The following DAB2IP variants were observed in gnomAD, a reference collection of about 807,000 sequenced individuals.
DAB2IP encodes DAB2 interacting protein, also known as disabled homolog 2-interacting protein.
DAB2IP carries 28 observed loss-of-function variants against 107.2 expected under a neutral mutation model. The observed-to-expected ratio is 0.26, with a 90% confidence interval of 0.19 to 0.36. The LOEUF (loss-of-function observed/expected upper bound fraction) is 0.36. Among genes scored for constraint, DAB2IP ranks in the 10% least tolerant of loss-of-function variants. The probability of loss-of-function intolerance (pLI) is 1.00; values close to 1 mark genes in which losing one functional copy is unlikely to be tolerated. For synonymous variants in DAB2IP, 755 were observed against 706.4 expected (o/e 1.07, Z -1.09); for missense variants, 1,400 against 1,644.7 (o/e 0.85, Z 2.57).
At chr9:121,609,774 T>G (rs1831024946) in intron 1 of DAB2IP, among the ~76,000 whole-genome samples, 1 of 152,202 alleles carries the variant, frequency 6.6e-6, no homozygotes, top group Non-Finnish European at 1.5e-5. Flanking sequence ...AACCTGGATC[T>G]CCAGGGCTAT....
intron 1 of DAB2IP, among the ~76,000 whole-genome samples, chr9:121,577,784 C>A (rs1414559301): frequency 6.6e-6 from 1 of 152,120 alleles, no homozygotes; most frequent in Non-Finnish European, 1.5e-5. Context: ...CGGTGGAGGG[C>A]GGGGACCTCA....
chr9:121,677,276 T>C (rs1287057048), intron 1 of DAB2IP, among the ~76,000 whole-genome samples: 2 of 152,186 alleles, frequency 1.3e-5, no homozygotes, highest in East Asian at 1.9e-4. Flanking sequence ...CCCAGCACTT[T>C]GGGAGGCCAA....
chr9:121,772,489 T>C lies in DAB2IP; in HGVS notation c.2079-118T>C. 8.8e-7 allele frequency: 1 copy of C among 1,141,248 alleles called. No homozygotes were observed. 70.7% of individuals were successfully genotyped at this position (1,141,248 alleles called of 1,614,324 possible). A position where few individuals can be genotyped will look rare whatever the true frequency, so the allele number is the denominator to read the frequency against. On this transcript the variant is annotated intron_variant, in intron 11 of 15. Transcript: ENST00000408936. The surrounding 1 kb of genome is among the most constrained non-coding windows in gnomAD (Gnocchi z 4.7). ...CCCAGCGCATCCATCTCCCCAGCGC[T>C]GGCTCAGGCTGCCAGGCCCCGGCAG... is the stretch of plus-strand genomic sequence containing the variant.
exon 16 of DAB2IP, chr9:121,783,931 G>A (rs2119052170): frequency 3.7e-6 from 1 of 271,948 alleles, no homozygotes; most frequent in Middle Eastern, 1.2e-3. Flanking sequence ...GTGGGAGTGG[G>A]GCCTTTGCCA....
At chr9:121,577,372 G>A (rs1451619679) in intron 1 of DAB2IP, among the ~76,000 whole-genome samples, 5 of 152,226 alleles carry the variant, frequency 3.3e-5, no homozygotes, top group African/African-American at 4.8e-5. Flanking sequence ...GGCTCGAAGC[G>A]TTCCAGCCGG....
chr9:121,742,061 A>C (rs1832388805), intron 3 of DAB2IP, among the ~76,000 whole-genome samples: 1 of 152,062 alleles, frequency 6.6e-6, no homozygotes. Flanking sequence ...GAGGGTGCTA[A>C]ATCCTTGAAT....
chr9:121,781,678 G>A, intron 15 of DAB2IP, 127 bp downstream of exon 15: 1 of 932,510 alleles, frequency 1.1e-6, no homozygotes, highest in East Asian at 2.6e-5. Flanking sequence ...ACCAGAATCT[G>A]CCCTGAGAAG....
At chr9:121,625,241 CT>C (rs55645811) in intron 1 of DAB2IP, among the ~76,000 whole-genome samples, 109 of 127,804 alleles carry the variant, frequency 8.5e-4, no homozygotes, top group African/African-American at 1.8e-3. Flanking sequence ...AGTGGCTGGG[CT>C]TTTTTTTTTT....
intron 3 of DAB2IP, among the ~76,000 whole-genome samples, chr9:121,746,356 A>G (rs1161732132): frequency 2.6e-5 from 4 of 152,184 alleles, no homozygotes; most frequent in African/African-American, 9.6e-5. Context: ...AGATGAGAAA[A>G]CTGAGGCACA....
intron 3 of DAB2IP, chr9:121,737,561 C>G (rs975666298): frequency 5.1e-6 from 5 of 985,296 alleles, no homozygotes; most frequent in Non-Finnish European, 6.0e-6. Context: ...CCTTGGACTT[C>G]TTAGTGACAA....
intron 1 of DAB2IP, among the ~76,000 whole-genome samples, chr9:121,579,331 C>A (rs7032859): frequency 1.5e-4 from 23 of 152,036 alleles, no homozygotes; most frequent in Admixed American, 5.2e-4. Flanking sequence ...CCTACCCCCC[C>A]ACCCTGAGGA....
chr9:121,732,689 G>A (rs182283789), intron 3 of DAB2IP, among the ~76,000 whole-genome samples: 1 of 152,336 alleles, frequency 6.6e-6, no homozygotes, highest in African/African-American at 2.4e-5. Flanking sequence ...TGGCAGCTCA[G>A]ACCCGAGGGA....
At chr9:121,653,636 A>G (rs1589457236) in intron 1 of DAB2IP, among the ~76,000 whole-genome samples, 1 of 150,588 alleles carries the variant, frequency 6.6e-6, no homozygotes, top group Non-Finnish European at 1.5e-5. Flanking sequence ...CACCTCACCC[A>G]CCCGCCCCTC....
At chr9:121,577,422 G>A (rs117617295) in intron 1 of DAB2IP, among the ~76,000 whole-genome samples, 4 of 152,356 alleles carry the variant, frequency 2.6e-5, no homozygotes, top group South Asian at 4.1e-4. Flanking sequence ...GTGCGCACAC[G>A]GGCAGGCGTG....
chr9:121,568,457 T>C (rs1407902572), intron 1 of DAB2IP, among the ~76,000 whole-genome samples: 1 of 151,948 alleles, frequency 6.6e-6, no homozygotes, highest in Non-Finnish European at 1.5e-5. Context: ...TCCTAACAAA[T>C]AGTTGGTGCT....
rs1564128545 is a variant in DAB2IP, at chr9:121,641,990, TTCCTTTCTCTCTCTCTCTCTCTC to T, written c.41-36685_41-36663del. On this transcript the variant is annotated intron_variant, in intron 1 of 16. Coordinates refer to the DAB2IP transcript ENST00000259371. Reference sequence around the variant, plus strand: ...TCTCTCTCTTTCTTTCTTTCTTTCTTTCCTTTCTCTCTCTCTCTCTCTCTCTCTCTCTCTCTCTCTCTTTCTTT... The same window carrying T: ...TCTCTCTCTTTCTTTCTTTCTTTCTTTCTCTCTCTCTCTCTCTCTTTCTTT... Among the ~76,000 whole-genome samples the T allele has an allele frequency of 8.6e-3, 977 of 114,266 alleles. 36 individuals carry two copies. Among genetic ancestry groups the T allele is most frequent in the African/African-American group, 0.035 (913 of 26,284 alleles). The allele number at this position is 114,266 out of a possible 152,430, so 75.0% of individuals were successfully genotyped here.
At chr9:121,737,864 G>C (rs1832040810) in intron 3 of DAB2IP, 1 of 882,286 alleles carries the variant, frequency 1.1e-6, no homozygotes. Flanking sequence ...CTGGTCCCAG[G>C]ACTGAGTCCT....
chr9:121,640,359 CA>C (rs1564127273), intron 1 of DAB2IP, among the ~76,000 whole-genome samples: 77 of 151,998 alleles, frequency 5.1e-4, no homozygotes, highest in African/African-American at 1.7e-3. Context: ...GAGCCTGTGT[CA>C]GGGGGGCGAC....
At chr9:121,754,917 C>G (rs985943695) in intron 3 of DAB2IP, among the ~76,000 whole-genome samples, 11 of 152,306 alleles carry the variant, frequency 7.2e-5, no homozygotes, top group Non-Finnish European at 1.5e-4. Context: ...CCTACCCCAC[C>G]CTCCCTGGCT....
Sources: gnomAD v4.1 joint callset for allele counts (sites outside exome capture counted in the v4.1 genomes callset) on GRCh38, gnomAD v4.1.1 for gene constraint, Gnocchi (gnomAD v3.1) non-coding constraint, MANE v1.5 for transcripts, NCBI Gene and HGNC (gene_info 2026-07-23, HGNC 2026-07-21) for gene names.